The following RPS4Y1 variants were observed in gnomAD, a reference collection of about 807,000 sequenced individuals.
RPS4Y1 encodes the protein ribosomal protein S4 Y-linked 1, also known as small ribosomal subunit protein eS4, Y isoform 1.
For synonymous variants in RPS4Y1, 23 were observed against 20.8 expected, an observed-to-expected ratio of 1.10 and a Z score of -0.28; for missense variants, 30 against 60.9, an observed-to-expected ratio of 0.49 and a Z score of 1.69.
chrY:2,844,371 G>A, intron 3 of RPS4Y1, 114 bp downstream of exon 3: 1 of 200,272 alleles, frequency 5.0e-6, no homozygotes, highest in Non-Finnish European at 8.9e-6. Context: ...TCAGATTTCT[G>A]CAGAAGTTAC....
chrY:2,852,595 T>C (rs759268476), intron 4 of RPS4Y1, among the ~76,000 whole-genome samples: 1 of 33,856 alleles, frequency 3.0e-5, no homozygotes, highest in Non-Finnish European at 7.4e-5. Context: ...CTATTAGTAG[T>C]GGTGGTAAAT....
In RPS4Y1 at chrY:2,862,022, G is replaced by T. The variant is rs2124490946; in HGVS notation, c.533-3066G>T. Among the ~76,000 whole-genome samples, 9 of 31,521 alleles carry T rather than the reference G, an allele frequency of 2.9e-4. No homozygotes were observed. The South Asian group carries it at 3.8e-3, about 13-fold the overall frequency. The allele number at this position is 31,521 out of a possible 37,273, so 84.6% of individuals were successfully genotyped here. On this transcript the variant is annotated intron_variant, in intron 5 of 6. Coordinates refer to ENST00000250784, the MANE Select transcript of RPS4Y1 (RefSeq NM_001008.4). ...CTGCCTTGGCCTCCAAAAATGCAAG[G>T]ATTACTGGCATGAGCCACCGTGCCT...
chrY:2,856,569 G>GT (rs2051160121), intron 5 of RPS4Y1, among the ~76,000 whole-genome samples: 1 of 32,913 alleles, frequency 3.0e-5, no homozygotes, highest in African/African-American at 1.2e-4. Flanking sequence ...TAACTTGTTT[G>GT]TTTTTGTTTT....
intron 5 of RPS4Y1, among the ~76,000 whole-genome samples, chrY:2,863,241 C>A (rs2051164939): frequency 5.9e-5 from 2 of 33,948 alleles, no homozygotes; most frequent in African/African-American, 2.3e-4. Context: ...TTGAAAGAAT[C>A]AATGTTTTCA....
chrY:2,865,404 A>C (rs897528130), intron 6 of RPS4Y1, among the ~76,000 whole-genome samples, 159 bp downstream of exon 6: 8 of 33,632 alleles, frequency 2.4e-4, no homozygotes, highest in Non-Finnish European at 5.9e-4. Flanking sequence ...AGAAGAAACA[A>C]GATTAGATCT....
chrY:2,858,674 C>G (rs1036281101), intron 5 of RPS4Y1, among the ~76,000 whole-genome samples: 6 of 32,931 alleles, frequency 1.8e-4, no homozygotes, highest in Non-Finnish European at 4.5e-4. Flanking sequence ...TTTCTGGGCT[C>G]TATTTTCTTC....
At chrY:2,841,978 G>A in intron 1 of RPS4Y1, 187 bp from the exon 2 acceptor site, 1 of 368,570 alleles carries the variant, frequency 2.7e-6, no homozygotes, top group Non-Finnish European at 3.8e-6. Flanking sequence ...TCAAAGGTCT[G>A]TGCTTTGCGT....
rs755948361 is a variant in RPS4Y1 at position 2,845,712 on chromosome Y, C to T, written c.329C>T (p.Ala110Val). 2.5e-6 allele frequency: 1 copy of T among 395,853 alleles called. No individual in the cohort carries two copies. The highest frequency in any genetic ancestry group is 6.1e-5 in the African/African-American group (1 of 16,307). Residue 110 changes from alanine (A) to valine (V), a missense_variant, in exon 4 of 7, where the codon GCT becomes GTT. Transcript: ENST00000250784. ...GTCTATGACACCAAGGGCCGTTTTG[C>T]TGTTCACCGCATCACAGTGGAAGAG... ...RLVYDTKGRF[A>V]VHRITVEEAK...
At chrY:2,862,261 G>C (rs2051164230) in intron 5 of RPS4Y1, among the ~76,000 whole-genome samples, 1 of 32,708 alleles carries the variant, frequency 3.1e-5, no homozygotes. Flanking sequence ...ATACTGCTTT[G>C]TCCATAACCT....
At position 2,866,814 on chromosome Y, in the gene RPS4Y1, C is replaced by T; in HGVS notation, c.712C>T (p.Leu238=). The change falls in exon 7 of 7, where the codon CTG becomes TTG. Residue 238 remains leucine, a synonymous_variant. Transcript: ENST00000250784. The part of the protein sequence containing the change: ...IGNGNKPWIS[L]PRGKGIRLTV... ...GCAGGGCAATAAACCTTGGATTTCC[C>T]TGCCCAGGGGAAAGGGCATTCGACT... The T allele has an allele frequency of 5.1e-6, 2 of 395,820 alleles. No homozygotes were observed. The highest frequency in any genetic ancestry group is 7.1e-6 in the Non-Finnish European group (2 of 280,851).
intron 5 of RPS4Y1, among the ~76,000 whole-genome samples, chrY:2,858,844 C>G: frequency 3.0e-5 from 1 of 33,412 alleles, no homozygotes; most frequent in Non-Finnish European, 7.4e-5. Flanking sequence ...AATATCAACC[C>G]TTAGTTTTTT....
intron 5 of RPS4Y1, among the ~76,000 whole-genome samples, chrY:2,858,843 C>G: frequency 6.0e-5 from 2 of 33,158 alleles, no homozygotes; most frequent in Non-Finnish European, 1.5e-4. Context: ...AAATATCAAC[C>G]CTTAGTTTTT....
chrY:2,843,226 T>C (rs2051150382), intron 2 of RPS4Y1, among the ~76,000 whole-genome samples: 1 of 33,565 alleles, frequency 3.0e-5, no homozygotes, highest in African/African-American at 1.2e-4. Context: ...TTGTTTTCTC[T>C]ATTGTTAAGT....
At chrY:2,844,984 C>T in intron 3 of RPS4Y1, among the ~76,000 whole-genome samples, 1 of 32,383 alleles carries the variant, frequency 3.1e-5, no homozygotes, top group South Asian at 7.1e-4. Context: ...AGGCTCAGTA[C>T]AGCTTTTTAG....
At chrY:2,865,787 CCTCTGAAAT>C in intron 6 of RPS4Y1, among the ~76,000 whole-genome samples, 1 of 33,777 alleles carries the variant, frequency 3.0e-5, no homozygotes, top group East Asian at 7.7e-4. Flanking sequence ...TGAAGGAGCA[CCTCTGAAAT>C]CATGCAGTAT....
chrY:2,861,816 G>A, intron 5 of RPS4Y1, among the ~76,000 whole-genome samples: 1 of 30,113 alleles, frequency 3.3e-5, no homozygotes, highest in Non-Finnish European at 7.9e-5. Flanking sequence ...ATTTCTCCAT[G>A]TTGGTCAGGC....
chrY:2,850,633 C>T (rs2051155484), intron 4 of RPS4Y1, among the ~76,000 whole-genome samples: 1 of 32,623 alleles, frequency 3.1e-5, no homozygotes. Context: ...GGAAAAGGGA[C>T]AAGATTAACT....
intron 6 of RPS4Y1, among the ~76,000 whole-genome samples, chrY:2,865,641 A>G (rs2051167042): frequency 3.0e-5 from 1 of 33,037 alleles, no homozygotes; most frequent in Non-Finnish European, 7.4e-5. Flanking sequence ...GTGAACATGG[A>G]GTTGATGGAG....
chrY:2,852,969 T>G, intron 4 of RPS4Y1, among the ~76,000 whole-genome samples: 1 of 34,069 alleles, frequency 2.9e-5, no homozygotes, highest in Non-Finnish European at 7.3e-5. Flanking sequence ...TTATGTTCCA[T>G]TATCTCATAA....
Sources: gnomAD v4.1 joint callset for allele counts (sites outside exome capture counted in the v4.1 genomes callset) on GRCh38, gnomAD v4.1.1 for gene constraint, MANE v1.5 for transcripts, NCBI Gene and HGNC (gene_info 2026-07-23, HGNC 2026-07-21) for gene names.